CSMD3: variants seen among roughly 807,000 people sequenced by gnomAD.
CSMD3 encodes CUB and sushi domain-containing protein 3.
In CSMD3, 177 loss-of-function variants were observed where a neutral mutation model predicts 435.2. That is an observed-to-expected ratio of 0.41 (90% confidence interval 0.36 to 0.46). CSMD3 has a LOEUF of 0.46. Ranked by LOEUF, CSMD3 falls within the 20% of genes least tolerant of loss-of-function variation. The pLI is 0.34. For missense variants in CSMD3, 4,265 were observed against 4,504.6 expected, an observed-to-expected ratio of 0.95 and a Z score of 1.52; for synonymous variants, 1,656 against 1,520.5, an observed-to-expected ratio of 1.09 and a Z score of -2.07.
intron 38 of CSMD3, among the ~76,000 whole-genome samples, chr8:112,358,046 C>T (rs540271516): frequency 1.1e-3 from 160 of 152,282 alleles, no homozygotes; most frequent in African/African-American, 3.6e-3. Flanking sequence ...TGCAGAGCCA[C>T]GAGGGTGGAG....
At chr8:113,426,294 T>G (rs944179471) in intron 1 of CSMD3, among the ~76,000 whole-genome samples, 1 of 151,398 alleles carries the variant, frequency 6.6e-6, no homozygotes, top group African/African-American at 2.4e-5. Context: ...AGATGAAAAC[T>G]AAATCACTTC....
intron 13 of CSMD3, among the ~76,000 whole-genome samples, chr8:112,695,936 T>C (rs2076244052): frequency 6.6e-6 from 1 of 151,954 alleles, no homozygotes; most frequent in South Asian, 2.1e-4. Flanking sequence ...TATACACCAA[T>C]AACAGACAGA....
At chr8:112,932,783 T>C (rs2083155966) in intron 9 of CSMD3, among the ~76,000 whole-genome samples, 1 of 152,172 alleles carries the variant, frequency 6.6e-6, no homozygotes, top group African/African-American at 2.4e-5. Flanking sequence ...GTAGGGTGAC[T>C]ATAGTTAACA....
intron 4 of CSMD3, among the ~76,000 whole-genome samples, chr8:113,144,074 G>A (rs2091613674): frequency 6.7e-6 from 1 of 150,242 alleles, no homozygotes; most frequent in Non-Finnish European, 1.5e-5. Context: ...TGGGTTAAAA[G>A]GGTTATTTAT....
intron 9 of CSMD3, among the ~76,000 whole-genome samples, chr8:112,922,492 C>A (rs554175694): frequency 6.6e-6 from 1 of 151,950 alleles, no homozygotes; most frequent in Non-Finnish European, 1.5e-5. Flanking sequence ...TACCCATTAA[C>A]CATACCCCTC....
At chr8:112,977,054 T>C (rs2084878135) in intron 6 of CSMD3, among the ~76,000 whole-genome samples, 1 of 152,050 alleles carries the variant, frequency 6.6e-6, no homozygotes, top group Admixed American at 6.6e-5. Context: ...AGTGTCAAAT[T>C]AGAGTTTGCT....
At chr8:112,342,519 C>T (rs542875406) in intron 41 of CSMD3, among the ~76,000 whole-genome samples, 1 of 152,030 alleles carries the variant, frequency 6.6e-6, no homozygotes, top group East Asian at 1.9e-4. Flanking sequence ...ATATTACCTG[C>T]CTTAAGTGAT....
intron 12 of CSMD3, among the ~76,000 whole-genome samples, chr8:112,823,354 T>C (rs1052474652): frequency 6.6e-6 from 1 of 152,158 alleles, no homozygotes; most frequent in African/African-American, 2.4e-5. Context: ...CTTACTGGTT[T>C]AGTCTTGGGA....
chr8:112,886,822 A>T (rs2081612157), intron 10 of CSMD3, among the ~76,000 whole-genome samples: 1 of 151,638 alleles, frequency 6.6e-6, no homozygotes, highest in Admixed American at 6.6e-5. Flanking sequence ...CATCTCTAGA[A>T]TACTTATATA....
At chr8:113,343,388 T>C (rs771452037) in intron 1 of CSMD3, among the ~76,000 whole-genome samples, 1 of 152,020 alleles carries the variant, frequency 6.6e-6, no homozygotes, top group Non-Finnish European at 1.5e-5. Context: ...AACAAAAGAA[T>C]AGTAAAATTG....
intron 1 of CSMD3, among the ~76,000 whole-genome samples, chr8:113,419,121 G>GTT: frequency 7.1e-6 from 1 of 141,504 alleles, no homozygotes. Context: ...GTTTTTTTTG[G>GTT]TTTGTTTTTT....
At chr8:112,581,825 G>C (rs1439040018) in intron 23 of CSMD3, among the ~76,000 whole-genome samples, 2 of 151,996 alleles carry the variant, frequency 1.3e-5, no homozygotes, top group African/African-American at 2.4e-5. Flanking sequence ...GATTAATAAT[G>C]GAAAGAGATG....
chr8:112,635,527 C>T (rs1014952805), intron 22 of CSMD3, among the ~76,000 whole-genome samples: 2 of 151,730 alleles, frequency 1.3e-5, no homozygotes, highest in Non-Finnish European at 2.9e-5. Flanking sequence ...AAAAAAAATG[C>T]ACCCTGCATA....
intron 39 of CSMD3, 117 bp from the exon 40 acceptor site, chr8:112,351,361 C>A: frequency 1.5e-6 from 1 of 672,398 alleles, no homozygotes; most frequent in Non-Finnish European, 2.7e-6. Context: ...TTTTTATACA[C>A]ATATTTACTT....
chr8:112,800,323 T>C (rs1192653417), intron 12 of CSMD3, 49 bp from the exon 13 acceptor site: 7 of 1,135,066 alleles, frequency 6.2e-6, no homozygotes, highest in Non-Finnish European at 9.4e-6. Flanking sequence ...TAAAACATCC[T>C]CTGCATACAA....
intron 5 of CSMD3, among the ~76,000 whole-genome samples, chr8:113,050,439 A>AT (rs2088038536): frequency 6.6e-6 from 1 of 152,054 alleles, no homozygotes; most frequent in Non-Finnish European, 1.5e-5. Context: ...TGGTGATCTG[A>AT]TTTATAAGCT....
chr8:112,647,565 C>G (rs1213384039), intron 19 of CSMD3, among the ~76,000 whole-genome samples: 1 of 152,136 alleles, frequency 6.6e-6, no homozygotes, highest in African/African-American at 2.4e-5. Flanking sequence ...CTCTGCCTCC[C>G]AAAGTGCTGG....
chr8:112,400,018 G>C (rs1411580617), intron 35 of CSMD3, among the ~76,000 whole-genome samples: 8 of 152,220 alleles, frequency 5.3e-5, no homozygotes, highest in Admixed American at 4.6e-4. Flanking sequence ...GCCTACACCT[G>C]TTACCCAGTT....
chr8:112,231,452 G>A (rs910955466), intron 69 of CSMD3, 93 bp downstream of exon 69: 3 of 826,320 alleles, frequency 3.6e-6, no homozygotes, highest in Non-Finnish European at 6.4e-6. Flanking sequence ...TTATAATGCA[G>A]TAAGTGTACC....
Sources: allele counts gnomAD v4.1 joint callset (sites outside exome capture counted in the v4.1 genomes callset), GRCh38; gene constraint gnomAD v4.1.1; transcripts MANE v1.5; gene names NCBI Gene and HGNC (gene_info 2026-07-23, HGNC 2026-07-21).